CLASP1: variants seen among roughly 807,000 people sequenced by gnomAD.
CLASP1 encodes the protein cytoplasmic linker associated protein 1.
In CLASP1, 38 loss-of-function variants were observed where a neutral mutation model predicts 192.3. That is an observed-to-expected ratio of 0.20 (90% CI 0.15 to 0.26). CLASP1 has a LOEUF of 0.26. Ranked by LOEUF, CLASP1 falls within the 10% of genes least tolerant of loss-of-function variation. The pLI, the probability that CLASP1 is intolerant of heterozygous loss-of-function variation, is 1.00. For missense variants in CLASP1, 1,433 were observed against 1,932.5 expected (o/e 0.74, Z 4.85); for synonymous variants, 691 against 712.8 (o/e 0.97, Z 0.49).
rs2085327975 is a variant in CLASP1 at position 121,450,821 on chromosome 2, C to T, written c.1523+92G>A. 5.8e-6 allele frequency: 5 copies of T among 867,698 alleles called. No homozygotes were observed. In the South Asian group the frequency reaches 6.9e-5, roughly 12 times the overall value. The allele number at this position is 867,698 out of a possible 1,614,324, so 53.7% of individuals were successfully genotyped here. On this transcript the variant is annotated intron_variant, in intron 16 of 39. Coordinates refer to ENST00000263710, the Ensembl canonical transcript of CLASP1. ...AAAAGTCATGGTTAACAAATATGTT[C>T]AAGTAACTTAAGTTTTTAATAAGGC...
At chr2:121,520,060 C>G (rs2094423631) in intron 6 of CLASP1, among the ~76,000 whole-genome samples, 1 of 152,210 alleles carries the variant, frequency 6.6e-6, no homozygotes, top group African/African-American at 2.4e-5. Context: ...TTTACAGAAT[C>G]TAAGGTCTCC....
At chr2:121,624,576 C>G (rs1168727987) in intron 1 of CLASP1, among the ~76,000 whole-genome samples, 1 of 152,090 alleles carries the variant, frequency 6.6e-6, no homozygotes, top group Non-Finnish European at 1.5e-5. Context: ...ACCACCATGC[C>G]CGGCTAATTT....
chr2:121,478,842 C>T (rs2092161222), intron 8 of CLASP1, among the ~76,000 whole-genome samples: 1 of 80,390 alleles, frequency 1.2e-5, no homozygotes, highest in Non-Finnish European at 2.3e-5. Flanking sequence ...ACACACCACA[C>T]ACACACCACA....
chr2:121,492,804 T>C (rs1379588717), intron 8 of CLASP1, among the ~76,000 whole-genome samples: 1 of 152,160 alleles, frequency 6.6e-6, no homozygotes, highest in Non-Finnish European at 1.5e-5. Context: ...AGAATGACCA[T>C]GTAATACAGC....
At chr2:121,503,104 T>C in intron 8 of CLASP1, 63 bp downstream of exon 8, 1 of 1,029,714 alleles carries the variant, frequency 9.7e-7, no homozygotes, top group Non-Finnish European at 1.5e-6. Flanking sequence ...TCTTCACATA[T>C]AACATAAATG....
At chr2:121,394,948 C>G (rs1297950768) in intron 30 of CLASP1, among the ~76,000 whole-genome samples, 5 of 151,862 alleles carry the variant, frequency 3.3e-5, no homozygotes, top group Non-Finnish European at 7.4e-5. Flanking sequence ...TTTTTTTTGT[C>G]AAATTTGGGG....
intron 32 of CLASP1, 109 bp downstream of exon 33, chr2:121,387,013 A>G: frequency 1.1e-6 from 1 of 899,056 alleles, no homozygotes; most frequent in Admixed American, 2.1e-5. Flanking sequence ...CTTGATACTC[A>G]ATATTCTTTT....
chr2:121,348,850 C>T, intron 37 of CLASP1, 132 bp from the exon 39 acceptor site: 2 of 828,396 alleles, frequency 2.4e-6, no homozygotes, highest in Non-Finnish European at 3.7e-6. Flanking sequence ...CTTCGCCTGG[C>T]TCAATTGTTA....
At chr2:121,597,703 T>C (rs2063300931) in intron 2 of CLASP1, among the ~76,000 whole-genome samples, 1 of 152,210 alleles carries the variant, frequency 6.6e-6, no homozygotes, top group Admixed American at 6.5e-5. Context: ...TGGGACTGTA[T>C]TCACAAAAAG....
intron 2 of CLASP1, among the ~76,000 whole-genome samples, chr2:121,555,470 A>G (rs2058461615): frequency 6.6e-6 from 1 of 152,178 alleles, no homozygotes; most frequent in African/African-American, 2.4e-5. Context: ...TTATTCATCT[A>G]TCATCAGCAT....
At chr2:121,349,239 CA>C (rs750146940) in intron 37 of CLASP1, among the ~76,000 whole-genome samples, 51 of 138,478 alleles carry the variant, frequency 3.7e-4, no homozygotes, top group South Asian at 4.6e-4. Context: ...GACTCTGTCT[CA>C]AAAAAAAAAA....
In CLASP1 at chr2:121,434,354, C is replaced by G. The variant is rs185407844; in HGVS notation, c.1913-4177G>C. The stretch of plus-strand genomic sequence containing the variant: ...TCACTGATGCCTCACTTCCCAGGTT[C>G]AAGCTATCCTCCCACCTTAGCCTTC... On this transcript the variant is annotated intron_variant, in intron 19 of 39. Coordinates refer to ENST00000263710, the Ensembl canonical transcript of CLASP1. 4.5e-4 allele frequency among the ~76,000 whole-genome samples: 68 copies of G among 152,244 alleles called. No individual in the cohort carries two copies. The Middle Eastern group carries it at 0.014, about 31-fold the overall frequency.
chr2:121,621,811 T>A (rs2067400722), intron 1 of CLASP1, among the ~76,000 whole-genome samples: 1 of 152,182 alleles, frequency 6.6e-6, no homozygotes, highest in African/African-American at 2.4e-5. Flanking sequence ...GATCAGCTTG[T>A]CAATTTCTGC....
At chr2:121,612,088 T>C (rs1327013125) in intron 1 of CLASP1, among the ~76,000 whole-genome samples, 2 of 65,458 alleles carry the variant, frequency 3.1e-5, no homozygotes, top group African/African-American at 6.4e-5. Flanking sequence ...GTTGGAGGAG[T>C]TACAGGAGAA....
chr2:121,457,353 G>A (rs548234674), intron 14 of CLASP1, among the ~76,000 whole-genome samples: 10 of 151,950 alleles, frequency 6.6e-5, no homozygotes, highest in Admixed American at 1.3e-4. Flanking sequence ...AGGGCAGACC[G>A]ATGACAAAGG....
chr2:121,474,217 T>C (rs1209776809), intron 8 of CLASP1, among the ~76,000 whole-genome samples: 5 of 152,178 alleles, frequency 3.3e-5, no homozygotes, highest in South Asian at 2.1e-4. Flanking sequence ...AGGATATATG[T>C]TGCTGTACTA....
intron 36 of CLASP1, 73 bp from the exon 38 acceptor site, chr2:121,363,373 C>G: frequency 1.9e-6 from 3 of 1,579,808 alleles, no homozygotes; most frequent in Non-Finnish European, 2.6e-6. Context: ...TCAGCAGGGT[C>G]GGCAAGGCCA....
At chr2:121,541,110 C>A (rs184389531) in intron 2 of CLASP1, among the ~76,000 whole-genome samples, 32 of 152,216 alleles carry the variant, frequency 2.1e-4, no homozygotes, top group Non-Finnish European at 4.4e-4. Flanking sequence ...GAAGCTTAGA[C>A]CTCCAAAACA....
At chr2:121,586,151 A>G (rs1476103647) in intron 2 of CLASP1, among the ~76,000 whole-genome samples, 1 of 152,084 alleles carries the variant, frequency 6.6e-6, no homozygotes, top group Non-Finnish European at 1.5e-5. Context: ...TTTTTGAGAC[A>G]TAGTCTCCTT....
Sources: gnomAD v4.1 joint callset for allele counts (sites outside exome capture counted in the v4.1 genomes callset) on GRCh38, gnomAD v4.1.1 for gene constraint, MANE v1.5 for transcripts, NCBI Gene and HGNC (gene_info 2026-07-23, HGNC 2026-07-21) for gene names.